Variants in MRAP2 observed in about 807,000 individuals in gnomAD.
The protein encoded by MRAP2 is melanocortin-2 receptor accessory protein 2.
Under a neutral mutation model 17.4 loss-of-function variants are expected in MRAP2, and 20 were observed. The observed-to-expected ratio is 1.15, with a 90% CI of 0.81 to 1.67. MRAP2 has a LOEUF of 1.67. Among genes scored for constraint, MRAP2 ranks in the 40% most tolerant of loss-of-function variants. The probability of loss-of-function intolerance (pLI) is 0.00; values close to 1 mark genes in which losing one functional copy is unlikely to be tolerated. For missense variants in MRAP2, 238 were observed against 240.0 expected, an observed-to-expected ratio of 0.99 and a Z score of 0.05; for synonymous variants, 96 against 88.4, an observed-to-expected ratio of 1.09 and a Z score of -0.48.
chr6:84,054,563 T>TA (rs1184986019), intron 1 of MRAP2, among the ~76,000 whole-genome samples: 2 of 152,238 alleles, frequency 1.3e-5, no homozygotes, highest in Non-Finnish European at 2.9e-5. Context: ...TTATTAAACT[T>TA]AGTTTCCTCC....
At chr6:84,116,078 A>G in the MRAP2 span, among the ~76,000 whole-genome samples, 1 of 152,210 alleles carries the variant, frequency 6.6e-6, no homozygotes, top group South Asian at 2.1e-4. Context: ...CAAACAAAAA[A>G]GAGTTTGACT....
intron 3 of MRAP2, among the ~76,000 whole-genome samples, chr6:84,081,416 A>G (rs1254189406): frequency 1.3e-5 from 2 of 152,166 alleles, no homozygotes; most frequent in African/African-American, 2.4e-5. Context: ...CCCATGTGTC[A>G]TTGTCATGGG....
At chr6:84,044,480 G>A (rs2099488466) in intron 1 of MRAP2, among the ~76,000 whole-genome samples, 1 of 152,210 alleles carries the variant, frequency 6.6e-6, no homozygotes, top group Non-Finnish European at 1.5e-5. Flanking sequence ...TCTGGGGACT[G>A]GAAGTCCAAG....
rs372978233 is a variant in MRAP2 at position 84,041,070 on chromosome 6, C to T, written c.-8+7187C>T. Among the ~76,000 whole-genome samples, 90 of 152,334 alleles carry T rather than the reference C, an allele frequency of 5.9e-4. 2 individuals are homozygous for T. The South Asian group carries it at 0.018, about 30-fold the overall frequency. ...TTTGTGGGCTGGGTTCAGGCCCCCC[C>T]TGCTGCGTGCAGTCTAGAGACTTGG... On this transcript the variant is annotated intron_variant, in intron 1 of 3. Coordinates refer to ENST00000257776, the MANE Select transcript of MRAP2 (RefSeq NM_138409.4).
chr6:84,056,487 A>T (rs2099491743), intron 2 of MRAP2, among the ~76,000 whole-genome samples: 1 of 152,196 alleles, frequency 6.6e-6, no homozygotes, highest in Admixed American at 6.5e-5. Context: ...AAATACTTTC[A>T]TTCATTCCTT....
intron 1 of MRAP2, among the ~76,000 whole-genome samples, chr6:84,046,057 G>A (rs746438241): frequency 6.6e-6 from 1 of 152,152 alleles, no homozygotes; most frequent in Non-Finnish European, 1.5e-5. Flanking sequence ...GATGTGAACC[G>A]CCATGGAAGT....
the MRAP2 span, among the ~76,000 whole-genome samples, chr6:84,113,774 G>A: frequency 2.0e-5 from 3 of 152,176 alleles, no homozygotes; most frequent in South Asian, 6.2e-4. Flanking sequence ...TAGTAAGGCA[G>A]GCCTGGAGGT....
At chr6:84,097,614 A>G in the MRAP2 span, among the ~76,000 whole-genome samples, 1 of 152,080 alleles carries the variant, frequency 6.6e-6, no homozygotes, top group Non-Finnish European at 1.5e-5. Context: ...TTTGTCCATC[A>G]TTTCCTCTAA....
At chr6:84,105,550 CAT>C in the MRAP2 span, among the ~76,000 whole-genome samples, 80 of 152,242 alleles carry the variant, frequency 5.3e-4, no homozygotes, top group African/African-American at 1.9e-3. Context: ...CCTCCCGAAA[CAT>C]GTGGGAATTC....
the MRAP2 span, among the ~76,000 whole-genome samples, chr6:84,134,929 C>A: frequency 2.7e-5 from 4 of 149,066 alleles, no homozygotes; most frequent in African/African-American, 1.0e-4. Context: ...TACACACACA[C>A]ACACACACAC....
chr6:84,068,784 C>CTTTTTT (rs34220070), intron 3 of MRAP2, among the ~76,000 whole-genome samples: 4 of 55,192 alleles, frequency 7.2e-5, no homozygotes, highest in South Asian at 1.4e-3. Context: ...TTGCTGAATT[C>CTTTTTT]TTTTTTTTTT....
chr6:84,132,932 C>T, the MRAP2 span, among the ~76,000 whole-genome samples: 3 of 152,174 alleles, frequency 2.0e-5, no homozygotes, highest in African/African-American at 7.2e-5. Flanking sequence ...GGAGAAGAGG[C>T]ACTCTGATTT....
chr6:84,131,475 G>A, the MRAP2 span, among the ~76,000 whole-genome samples: 1 of 152,132 alleles, frequency 6.6e-6, no homozygotes, highest in African/African-American at 2.4e-5. Context: ...TATTGTGTGG[G>A]AGTCTAGGTC....
At position 84,070,710 on chromosome 6, in the gene MRAP2, G is replaced by A. The variant is rs59187269; in HGVS notation, c.227+7718G>A. 6.0e-3 allele frequency among the ~76,000 whole-genome samples: 905 copies of A among 151,990 alleles called. 4 individuals are homozygous for A. The highest frequency in any genetic ancestry group is 0.021 in the African/African-American group (873 of 41,516). ...CTGGAGGATTGAAGTCCCCCACTTA[G>A]TTCTATAAGTAATTGTTTTATAAAT... On this transcript the variant is annotated intron_variant, in intron 3 of 3. Transcript: ENST00000257776.
chr6:84,099,637 A>G, the MRAP2 span, among the ~76,000 whole-genome samples: 1 of 152,102 alleles, frequency 6.6e-6, no homozygotes, highest in African/African-American at 2.4e-5. Context: ...TCCCTCTCTC[A>G]GCATGTGATG....
At chr6:84,114,678 T>C in the MRAP2 span, among the ~76,000 whole-genome samples, 50 of 152,326 alleles carry the variant, frequency 3.3e-4, no homozygotes, top group South Asian at 9.7e-3. Context: ...ATTTTCAGCC[T>C]TTTTGTGCTG....
At chr6:84,112,493 T>C in the MRAP2 span, among the ~76,000 whole-genome samples, 24 of 152,288 alleles carry the variant, frequency 1.6e-4, no homozygotes, top group African/African-American at 5.8e-4. Context: ...TTCTTCTCTC[T>C]CTTCTTCTTT....
At chr6:84,050,224 T>C (rs1400345994) in intron 1 of MRAP2, among the ~76,000 whole-genome samples, 2 of 152,086 alleles carry the variant, frequency 1.3e-5, no homozygotes, top group Non-Finnish European at 2.9e-5. Flanking sequence ...GGGAATTAAG[T>C]GGGAAGTGCC....
At chr6:84,065,130 C>A (rs571716286) in intron 3 of MRAP2, among the ~76,000 whole-genome samples, 66 of 152,046 alleles carry the variant, frequency 4.3e-4, no homozygotes, top group Admixed American at 7.2e-4. Context: ...ACAAAAAATA[C>A]AAAAATCAGC....
Sources: allele counts gnomAD v4.1 joint callset (sites outside exome capture counted in the v4.1 genomes callset), GRCh38; gene constraint gnomAD v4.1.1; transcripts MANE v1.5; gene names NCBI Gene and HGNC (gene_info 2026-07-23, HGNC 2026-07-21).